Variants in MYO1D observed in about 807,000 individuals in gnomAD.
MYO1D encodes the protein unconventional myosin-Id.
Under a neutral mutation model 122.0 loss-of-function variants are expected in MYO1D, and 83 were observed. The ratio of observed to expected loss-of-function variants is 0.68; its 90% CI spans 0.57 to 0.82. The LOEUF (loss-of-function observed/expected upper bound fraction) is 0.82, where lower values mean the gene tolerates loss of function less well. Among genes scored for constraint, MYO1D ranks in the 40% least tolerant of loss-of-function variants. MYO1D has a pLI of 0.00. For synonymous variants in MYO1D, 464 were observed against 446.9 expected (o/e 1.04, Z -0.48); for missense variants, 1,157 against 1,269.5 (o/e 0.91, Z 1.35).
At chr17:32,599,502 G>A (rs1004092379) in intron 21 of MYO1D, among the ~76,000 whole-genome samples, 3 of 152,114 alleles carry the variant, frequency 2.0e-5, no homozygotes, top group African/African-American at 7.2e-5. Context: ...TTCTGTTAGT[G>A]TTAATATTTT....
intron 21 of MYO1D, among the ~76,000 whole-genome samples, chr17:32,521,386 A>C (rs1342341591): frequency 2.0e-5 from 3 of 152,234 alleles, no homozygotes; most frequent in Non-Finnish European, 4.4e-5. Flanking sequence ...CTGTAGAGGC[A>C]GACTTCATGT....
rs962790140 is a variant in MYO1D at position 32,607,943 on chromosome 17, C to T, written c.2710-2702G>A. Among the ~76,000 whole-genome samples, 6 of 152,192 alleles carry T rather than the reference C, an allele frequency of 3.9e-5. No homozygotes were observed. The East Asian group carries it at 7.7e-4, about 20-fold the overall frequency. On this transcript the variant is annotated intron_variant, in intron 20 of 21. Transcript: ENST00000318217. Reference sequence around the variant, plus strand: ...GAACATTTGGACACCCCCATGCAAACGGAAATAAAAGTCTACCTAAATCTC... The same window carrying T: ...GAACATTTGGACACCCCCATGCAAATGGAAATAAAAGTCTACCTAAATCTC...
chr17:32,876,307 A>G (rs563888739), intron 1 of MYO1D, among the ~76,000 whole-genome samples: 1 of 152,248 alleles, frequency 6.6e-6, no homozygotes, highest in South Asian at 2.1e-4. Context: ...AAGAAAGAAA[A>G]GAAGCAAGTG....
chr17:32,560,627 CT>C (rs200651027), intron 21 of MYO1D, among the ~76,000 whole-genome samples: 19 of 127,608 alleles, frequency 1.5e-4, no homozygotes, highest in East Asian at 9.5e-4. Context: ...GCCGGTGAAT[CT>C]TTTTTTTTTG....
At chr17:32,813,646 G>A (rs1000095159) in intron 1 of MYO1D, among the ~76,000 whole-genome samples, 4 of 152,184 alleles carry the variant, frequency 2.6e-5, no homozygotes, top group African/African-American at 9.7e-5. Context: ...TAACAGTAAA[G>A]GAAAGGAAAA....
rs750125013 is a variant in MYO1D, at chr17:32,709,069, G to C, written c.2121+2919C>G. On this transcript the variant is annotated intron_variant, in intron 16 of 21. Coordinates refer to ENST00000318217, the MANE Select transcript of MYO1D (RefSeq NM_015194.3). ...GCAGAGCTGCCACAGACTGAAGTCT[G>C]TGGGACACTGACAATTGTGAAGGAA... Among the ~76,000 whole-genome samples the C allele has an allele frequency of 4.2e-4, 64 of 152,184 alleles. 2 individuals are homozygous for C. The highest frequency in any genetic ancestry group is 7.1e-4 in the Non-Finnish European group (48 of 68,042).
At chr17:32,623,675 T>C (rs1396391227) in intron 20 of MYO1D, among the ~76,000 whole-genome samples, 4 of 152,198 alleles carry the variant, frequency 2.6e-5, no homozygotes, top group Admixed American at 1.3e-4. Context: ...TCTCCAACTC[T>C]GTCTCAGTCC....
chr17:32,603,521 C>CTTTTTT (rs776245633), intron 21 of MYO1D, among the ~76,000 whole-genome samples: 3 of 99,674 alleles, frequency 3.0e-5, no homozygotes, highest in Non-Finnish European at 4.1e-5. Context: ...ACATTCTAAA[C>CTTTTTT]TTTTTTTTTT....
intron 12 of MYO1D, 93 bp from the exon 13 acceptor site, chr17:32,745,378 A>G (rs1317151862): frequency 1.4e-6 from 1 of 713,400 alleles, no homozygotes; most frequent in East Asian, 2.7e-5. Flanking sequence ...TTCCACCGTT[A>G]ATTATGCAAT....
At chr17:32,536,800 T>C (rs1049174713) in intron 21 of MYO1D, among the ~76,000 whole-genome samples, 1 of 152,214 alleles carries the variant, frequency 6.6e-6, no homozygotes, top group African/African-American at 2.4e-5. Flanking sequence ...ATTCCAAAAA[T>C]TGTTACTGAT....
In MYO1D at chr17:32,710,590, T is replaced by A. The variant is rs1275814553; in HGVS notation, c.2121+1398A>T. On this transcript the variant is annotated intron_variant, in intron 16 of 21. Transcript: ENST00000318217. ...CTATAAGGCAAAATATTGAAGACTT[T>A]GATTATGTCAAAATTAAGAATTCGG... Among the ~76,000 whole-genome samples, 3 of 152,146 alleles carry A rather than the reference T, an allele frequency of 2.0e-5. No homozygotes were observed. In the East Asian group the frequency reaches 5.8e-4, roughly 29 times the overall value.
intron 20 of MYO1D, among the ~76,000 whole-genome samples, chr17:32,621,156 G>A (rs973114390): frequency 6.6e-6 from 1 of 151,946 alleles, no homozygotes; most frequent in Non-Finnish European, 1.5e-5. Flanking sequence ...TGTCACATGC[G>A]GTCAGATGTG....
chr17:32,738,367 C>G lies in MYO1D; in HGVS notation c.1632G>C (p.Lys544Asn), dbSNP rs200227818. The G allele has an allele frequency of 6.3e-7, 1 of 1,598,652 alleles. No individual in the cohort carries two copies. The highest frequency in any genetic ancestry group is 8.5e-7 in the Non-Finnish European group (1 of 1,172,964). Reference sequence around the variant, plus strand: ...TCAGTTTGCCTTCAGGCCACATATTCTTGAGCACAGGATTTGAACTGAGAA... The same window carrying G: ...TCAGTTTGCCTTCAGGCCACATATTGTTGAGCACAGGATTTGAACTGAGAA... ...LMYNSSNPVLKNMWPEGKLSI... is the reference protein window; with the variant it reads ...LMYNSSNPVLNNMWPEGKLSI... Residue 544 changes from lysine to asparagine, a missense_variant, in exon 14 of 22, where the codon AAG becomes AAC. Physicochemically the swap from Lys to Asn is moderately conservative, Grantham distance 94 (BLOSUM62 0). Transcript: ENST00000318217.
chr17:32,514,098 C>T (rs1425571169), intron 21 of MYO1D, among the ~76,000 whole-genome samples: 1 of 151,844 alleles, frequency 6.6e-6, no homozygotes, highest in Non-Finnish European at 1.5e-5. Context: ...AAAAATTGGC[C>T]AGGCATAGTG....
At chr17:32,767,593 T>C (rs1012015152) in intron 7 of MYO1D, 43 bp downstream of exon 7, 3 of 1,304,414 alleles carry the variant, frequency 2.3e-6, no homozygotes, top group African/African-American at 2.9e-5. Context: ...AGCATCCTGT[T>C]CTCAGCAGAA....
intron 19 of MYO1D, 59 bp downstream of exon 19, chr17:32,653,784 T>C: frequency 7.0e-7 from 1 of 1,434,712 alleles, no homozygotes; most frequent in African/African-American, 1.4e-5. Context: ...CTTGCTTAAG[T>C]GAGTTTCATC....
At chr17:32,723,586 T>C (rs761174293) in intron 14 of MYO1D, among the ~76,000 whole-genome samples, 2 of 152,144 alleles carry the variant, frequency 1.3e-5, no homozygotes, top group African/African-American at 2.4e-5. Context: ...ACCAGTAGAA[T>C]GCAGCAGAAG....
At chr17:32,707,014 T>TC (rs2089317823) in intron 16 of MYO1D, among the ~76,000 whole-genome samples, 2 of 152,150 alleles carry the variant, frequency 1.3e-5, no homozygotes, top group African/African-American at 4.8e-5. Context: ...CCATAATTTT[T>TC]TTTTTAAGAA....
At chr17:32,666,938 CT>C (rs1429725887) in intron 16 of MYO1D, among the ~76,000 whole-genome samples, 2 of 152,218 alleles carry the variant, frequency 1.3e-5, no homozygotes, top group Admixed American at 6.5e-5. Context: ...TAAGTTCCCC[CT>C]ATGGGGATCT....
Sources: gnomAD v4.1 joint callset for allele counts (sites outside exome capture counted in the v4.1 genomes callset) on GRCh38, gnomAD v4.1.1 for gene constraint, MANE v1.5 for transcripts, NCBI Gene and HGNC (gene_info 2026-07-23, HGNC 2026-07-21) for gene names.